The following ASTN2 variants were observed in gnomAD, a reference collection of about 807,000 sequenced individuals.
The protein encoded by ASTN2 is astrotactin 2.
A neutral mutation model predicts 139.8 loss-of-function variants in ASTN2; 54 were observed. The observed-to-expected ratio is 0.39, with a 90% CI of 0.31 to 0.48. ASTN2 has a LOEUF of 0.48. Among genes scored for constraint, ASTN2 ranks in the 20% least tolerant of loss-of-function variants. The pLI is 0.95. For synonymous variants in ASTN2, 756 were observed against 719.5 expected (o/e 1.05, Z -0.81); for missense variants, 1,565 against 1,725.1 (o/e 0.91, Z 1.64).
intron 11 of ASTN2, among the ~76,000 whole-genome samples, chr9:116,835,272 G>T (rs1253409616): frequency 6.6e-6 from 1 of 151,990 alleles, no homozygotes; most frequent in Non-Finnish European, 1.5e-5. Context: ...CCTATACATT[G>T]TGACTTACTT....
At chr9:116,622,894 C>G (rs1426956083) in intron 17 of ASTN2, among the ~76,000 whole-genome samples, 1 of 152,228 alleles carries the variant, frequency 6.6e-6, no homozygotes, top group East Asian at 1.9e-4. Flanking sequence ...GAAGGAGGCA[C>G]TCTCATGAGG....
intron 2 of ASTN2, among the ~76,000 whole-genome samples, chr9:117,279,750 G>A (rs1301693830): frequency 6.6e-6 from 1 of 152,108 alleles, no homozygotes; most frequent in East Asian, 1.9e-4. Context: ...TGAATACCAG[G>A]ACATTAACCA....
Position 116,425,965 on chromosome 9 carries a change from C to G in ASTN2, c.3906G>C (p.Glu1302Asp). 1 of 1,614,186 alleles carries G rather than the reference C, an allele frequency of 6.2e-7. No homozygotes were observed. Among genetic ancestry groups the G allele is most frequent in the Non-Finnish European group, 8.5e-7 (1 of 1,180,034 alleles). ...ACCACACCATGCCTGCAGGCCGGAC[C>G]TCCTCGCTGCGGCAGAAAAGATAGG... ...TVPYLFCRSE[E>D]VRPAGMVWYS... Residue 1302 changes from glutamate to aspartate, a missense_variant, in exon 23 of 23, where the codon GAG becomes GAC. This residue lies in a region of ASTN2 where 418 missense variants were observed against 465.8 expected (regional missense o/e 0.90). Coordinates refer to ENST00000313400, the MANE Select transcript of ASTN2 (RefSeq NM_001365068.1).
At chr9:116,514,839 T>C (rs994387887) in intron 19 of ASTN2, among the ~76,000 whole-genome samples, 6 of 152,134 alleles carry the variant, frequency 3.9e-5, no homozygotes, top group African/African-American at 1.4e-4. Flanking sequence ...GCTAAGACCA[T>C]TGGAAAAGCG....
chr9:117,039,026 C>T (rs1168152838), intron 6 of ASTN2, among the ~76,000 whole-genome samples: 1 of 152,196 alleles, frequency 6.6e-6, no homozygotes, highest in Non-Finnish European at 1.5e-5. Context: ...TCTTCCTTGT[C>T]ATATGATTCT....
intron 16 of ASTN2, among the ~76,000 whole-genome samples, chr9:116,659,220 T>C (rs1858412114): frequency 6.6e-6 from 1 of 152,202 alleles, no homozygotes; most frequent in African/African-American, 2.4e-5. Flanking sequence ...TGAATATATT[T>C]CTCTCCAAAT....
intron 1 of ASTN2, among the ~76,000 whole-genome samples, chr9:117,352,400 T>G (rs1415606282): frequency 6.6e-6 from 1 of 152,220 alleles, no homozygotes; most frequent in Non-Finnish European, 1.5e-5. Context: ...TGGAACCTCC[T>G]ACACATTAAA....
intron 1 of ASTN2, among the ~76,000 whole-genome samples, chr9:117,349,211 T>C (rs1829316277): frequency 6.6e-6 from 1 of 152,194 alleles, no homozygotes; most frequent in African/African-American, 2.4e-5. Flanking sequence ...CTCTCCACTC[T>C]AGTCCCTCCC....
At chr9:117,144,660 G>GTTT (rs71379267) in intron 3 of ASTN2, among the ~76,000 whole-genome samples, 10 of 78,308 alleles carry the variant, frequency 1.3e-4, no homozygotes, top group African/African-American at 3.6e-4. Flanking sequence ...GTGAACACTA[G>GTTT]TTTTTTTTTT....
chr9:117,205,329 G>T (rs1489670884), intron 3 of ASTN2, among the ~76,000 whole-genome samples: 1 of 152,118 alleles, frequency 6.6e-6, no homozygotes, highest in East Asian at 1.9e-4. Context: ...ACATCTTGGG[G>T]TTCAAGACTT....
chr9:116,698,112 C>A lies in ASTN2; in HGVS notation c.2806+27659G>T, dbSNP rs572052810. Reference sequence around the variant, plus strand: ...TGGTTTGGTGTTATGTGAGCCCTGCCGGGAGGCAGACCATCAGCCTCCTGG... The same window carrying A: ...TGGTTTGGTGTTATGTGAGCCCTGCAGGGAGGCAGACCATCAGCCTCCTGG... On this transcript the variant is annotated intron_variant, in intron 16 of 22. Coordinates refer to ENST00000313400, the MANE Select transcript of ASTN2 (RefSeq NM_001365068.1). This position sits in a 1 kb window ranked among gnomAD's most constrained non-coding sequence, Gnocchi z 4.4. The A allele has an allele frequency of 6.2e-7, 1 of 1,614,044 alleles. No homozygotes were observed. The highest frequency in any genetic ancestry group is 1.1e-5 in the South Asian group (1 of 91,082).
chr9:116,650,918 C>CTT (rs753094674), intron 17 of ASTN2, among the ~76,000 whole-genome samples: 3 of 142,382 alleles, frequency 2.1e-5, no homozygotes, highest in Middle Eastern at 3.7e-3. Flanking sequence ...CCCTGCACTA[C>CTT]TTTTTTTTTT....
At chr9:116,724,976 C>T (rs1828576711) in intron 16 of ASTN2, among the ~76,000 whole-genome samples, 1 of 152,160 alleles carries the variant, frequency 6.6e-6, no homozygotes, top group Admixed American at 6.5e-5. Flanking sequence ...GACTCATTTT[C>T]TCATGTGTAA....
intron 1 of ASTN2, among the ~76,000 whole-genome samples, chr9:117,349,204 T>C (rs1829315920): frequency 6.6e-6 from 1 of 152,176 alleles, no homozygotes; most frequent in South Asian, 2.1e-4. Context: ...CTCAGTCCTC[T>C]CCACTCTAGT....
At chr9:116,700,873 A>C (rs1861136522) in intron 16 of ASTN2, 1 of 165,748 alleles carries the variant, frequency 6.0e-6, no homozygotes, top group Admixed American at 6.6e-5. Context: ...ATATCTACCC[A>C]GGTCAAAATT....
intron 11 of ASTN2, among the ~76,000 whole-genome samples, chr9:116,853,788 A>C (rs943562157): frequency 3.3e-5 from 5 of 152,188 alleles, no homozygotes; most frequent in African/African-American, 1.2e-4. Flanking sequence ...CCAAATCATG[A>C]AACACTAATA....
intron 11 of ASTN2, among the ~76,000 whole-genome samples, chr9:116,854,292 C>T (rs993169679): frequency 3.3e-5 from 5 of 152,296 alleles, no homozygotes; most frequent in African/African-American, 9.6e-5. Context: ...ATGTTTTGTG[C>T]CTGCTTAGGG....
chr9:117,389,391 G>A (rs1317793063), intron 1 of ASTN2, among the ~76,000 whole-genome samples: 1 of 152,190 alleles, frequency 6.6e-6, no homozygotes, highest in Non-Finnish European at 1.5e-5. Context: ...GAAAATGACA[G>A]AGACAAATTC....
At chr9:116,680,831 T>G (rs1261594214) in intron 16 of ASTN2, among the ~76,000 whole-genome samples, 1 of 152,176 alleles carries the variant, frequency 6.6e-6, no homozygotes, top group Non-Finnish European at 1.5e-5. Flanking sequence ...ACAACCTTCA[T>G]GCTAAAAACT....
Sources: gnomAD v4.1 joint callset for allele counts (sites outside exome capture counted in the v4.1 genomes callset) on GRCh38, gnomAD v4.1.1 for gene constraint, gnomAD v4.1.1 regional missense constraint, Gnocchi (gnomAD v3.1) non-coding constraint, MANE v1.5 for transcripts, NCBI Gene and HGNC (gene_info 2026-07-23, HGNC 2026-07-21) for gene names.